Variants in RNF135 observed in about 807,000 individuals in gnomAD.
RNF135 encodes ring finger protein 135.
A neutral mutation model predicts 41.9 loss-of-function variants in RNF135; 46 were observed. The ratio of observed to expected loss-of-function variants is 1.10; its 90% CI spans 0.87 to 1.40. The LOEUF (loss-of-function observed/expected upper bound fraction) is 1.40, where lower values mean the gene tolerates loss of function less well. RNF135 is among the 40% of genes most tolerant of loss of function. The probability of loss-of-function intolerance (pLI) is 0.00; values close to 1 mark genes in which losing one functional copy is unlikely to be tolerated. For missense variants in RNF135, 539 were observed against 549.8 expected, an observed-to-expected ratio of 0.98 and a Z score of 0.20; for synonymous variants, 238 against 223.8, an observed-to-expected ratio of 1.06 and a Z score of -0.57.
intron 1 of RNF135, among the ~76,000 whole-genome samples, chr17:30,978,457 A>C (rs970991918): frequency 1.3e-5 from 2 of 152,108 alleles, no homozygotes; most frequent in Non-Finnish European, 2.9e-5. Context: ...GTATTTTCAA[A>C]TAGGCTGAAT....
intron 3 of RNF135, among the ~76,000 whole-genome samples, chr17:30,992,543 C>G (rs181386945): frequency 6.6e-6 from 1 of 151,650 alleles, no homozygotes; most frequent in Non-Finnish European, 1.5e-5. Flanking sequence ...ATGGCTCACC[C>G]CAGCCTTGAC....
At chr17:30,995,405 T>A (rs971356247) in intron 3 of RNF135, among the ~76,000 whole-genome samples, 7 of 151,594 alleles carry the variant, frequency 4.6e-5, no homozygotes, top group Non-Finnish European at 1.0e-4. Flanking sequence ...AAAAAAGAAT[T>A]GTTTTGTAGA....
intron 1 of RNF135, among the ~76,000 whole-genome samples, chr17:30,983,310 CATATATGTACATAT>C (rs1567742989): frequency 3.2e-4 from 15 of 46,208 alleles, no homozygotes; most frequent in African/African-American, 8.4e-4. Flanking sequence ...ATTCTAATTA[CATATATGTACATAT>C]ATATATATAT....
At chr17:30,981,329 C>T (rs533381229) in intron 1 of RNF135, among the ~76,000 whole-genome samples, 27 of 129,788 alleles carry the variant, frequency 2.1e-4, no homozygotes, top group African/African-American at 1.0e-3. Context: ...AGCTTTGGCT[C>T]AGCATCAGAG....
intron 3 of RNF135, among the ~76,000 whole-genome samples, chr17:30,993,443 C>A (rs1041382000): frequency 1.3e-5 from 2 of 151,584 alleles, no homozygotes; most frequent in African/African-American, 2.4e-5. Context: ...TAGCTTCCAG[C>A]AATCCTTGTG....
At chr17:30,961,280 G>A in the RNF135 span, among the ~76,000 whole-genome samples, 5 of 152,268 alleles carry the variant, frequency 3.3e-5, no homozygotes, top group South Asian at 1.0e-3. Context: ...GGTAGTCAAG[G>A]AAGTAACCAG....
In RNF135 at chr17:30,971,069, T is replaced by G; in HGVS notation, c.-5T>G. 6.5e-7 allele frequency: 1 copy of G among 1,534,144 alleles called. No homozygotes were observed. On this transcript the variant is annotated 5_prime_UTR_variant, in exon 1 of 5. Coordinates refer to ENST00000328381, the MANE Select transcript of RNF135 (RefSeq NM_032322.4). Reference sequence around the variant, plus strand: ...CGACGTCCGCGCCCCGGCCGCCTGTTGGCCATGGCGGGCCTGGGCCTGGGC... The same window carrying G: ...CGACGTCCGCGCCCCGGCCGCCTGTGGGCCATGGCGGGCCTGGGCCTGGGC...
Position 30,999,015 on chromosome 17 carries a change from G to A in RNF135, c.1123G>A (p.Val375Met), listed in dbSNP as rs752373196. 6.8e-6 allele frequency: 11 copies of A among 1,614,198 alleles called. No individual in the cohort carries two copies. The highest frequency in any genetic ancestry group is 4.4e-5 in the South Asian group (4 of 91,084). Residue 375 changes from valine to methionine, a missense_variant, in exon 5 of 5, where the codon GTG (valine) becomes ATG (methionine). By Grantham distance (21) the Val-to-Met change is conservative. Around this residue, in one of 2 missense-constraint regions of RNF135, gnomAD observed 262 missense variants for 336.9 expected, o/e 0.78. Transcript: ENST00000328381. ...TGTCCTTGGCTCAGACAGACCTGGGGTGGTGGGCATCTGGCTGAACCTTGA... is the reference window on the plus strand; with the variant it reads ...TGTCCTTGGCTCAGACAGACCTGGGATGGTGGGCATCTGGCTGAACCTTGA... Reference protein sequence around the residue: ...ETVLGSDRPGVVGIWLNLEEG... With the variant: ...ETVLGSDRPGMVGIWLNLEEG...
chr17:30,993,822 T>G (rs1908152158), intron 3 of RNF135: 1 of 905,668 alleles, frequency 1.1e-6, no homozygotes, highest in Non-Finnish European at 1.7e-6. Flanking sequence ...ATTAATTAAT[T>G]TTTTTATTTT....
upstream of RNF135, among the ~76,000 whole-genome samples, chr17:30,966,399 T>A (rs1441099178): frequency 2.0e-3 from 268 of 136,918 alleles, 1 homozygote; most frequent in African/African-American, 8.8e-3. Flanking sequence ...TTTTATTATT[T>A]TTTTATTTTA....
chr17:30,983,606 G>A (rs1363696741), intron 1 of RNF135, among the ~76,000 whole-genome samples: 3 of 151,112 alleles, frequency 2.0e-5, no homozygotes, highest in South Asian at 2.1e-4. Flanking sequence ...CACCCGCCTC[G>A]GCCTCCCAAA....
chr17:30,971,465 A>T lies in RNF135; in HGVS notation c.372+20A>T, dbSNP rs754836373. On this transcript the variant is annotated intron_variant, in intron 1 of 4. Coordinates refer to ENST00000328381, the MANE Select transcript of RNF135 (RefSeq NM_032322.4). The stretch of plus-strand genomic sequence containing the variant: ...CAGCGGGTAGGGAGGCCGGGCCCGC[A>T]GCTCCCCTGGCTCCCCCGGGCTGCC... 1 of 1,487,006 alleles carries T rather than the reference A, an allele frequency of 6.7e-7. No homozygotes were observed. Among genetic ancestry groups the T allele is most frequent in the South Asian group, 1.3e-5 (1 of 78,216 alleles). The allele number at this position is 1,487,006 out of a possible 1,614,324, so 92.1% of individuals were successfully genotyped here. A position where few individuals can be genotyped will look rare whatever the true frequency, so the allele number is the denominator to read the frequency against.
chr17:30,971,631 AAAAC>A (rs1905960808), intron 1 of RNF135, 186 bp downstream of exon 1: 2 of 1,353,088 alleles, frequency 1.5e-6, no homozygotes. Flanking sequence ...GAAGTAGAAA[AAAAC>A]AAATTCCCCA....
chr17:30,987,085 T>G (rs966262560), intron 2 of RNF135, among the ~76,000 whole-genome samples: 2 of 152,088 alleles, frequency 1.3e-5, no homozygotes, highest in African/African-American at 2.4e-5. Flanking sequence ...GATAAAGGGC[T>G]GTATTGGGGA....
At chr17:30,975,347 T>G in intron 1 of RNF135, 2 of 719,342 alleles carry the variant, frequency 2.8e-6, no homozygotes, top group South Asian at 1.4e-5. Context: ...TTGCTACTTA[T>G]GCCTGCACCT....
At chr17:30,993,500 G>A (rs904610054) in intron 3 of RNF135, among the ~76,000 whole-genome samples, 5 of 151,980 alleles carry the variant, frequency 3.3e-5, no homozygotes, top group South Asian at 2.1e-4. Context: ...CCACCATACC[G>A]AGCCCCTAGT....
intron 3 of RNF135, among the ~76,000 whole-genome samples, chr17:30,990,847 C>T (rs1907936043): frequency 6.6e-6 from 1 of 152,158 alleles, no homozygotes. Context: ...TTTTCTCTTA[C>T]AGTTGCTCAG....
intron 1 of RNF135, among the ~76,000 whole-genome samples, chr17:30,979,733 C>A (rs1249372686): frequency 8.1e-6 from 1 of 124,162 alleles, no homozygotes; most frequent in African/African-American, 3.0e-5. Context: ...ACCTCCCTCC[C>A]GGACGGGGCG....
intron 3 of RNF135, among the ~76,000 whole-genome samples, chr17:30,988,672 C>T (rs987415084): frequency 4.6e-5 from 7 of 151,298 alleles, no homozygotes; most frequent in Admixed American, 2.6e-4. Context: ...GTGATCTGCC[C>T]GCCTTGGCCT....
Sources: gnomAD v4.1 joint callset for allele counts (sites outside exome capture counted in the v4.1 genomes callset) on GRCh38, gnomAD v4.1.1 for gene constraint, gnomAD v4.1.1 regional missense constraint, MANE v1.5 for transcripts, NCBI Gene and HGNC (gene_info 2026-07-23, HGNC 2026-07-21) for gene names.